WASHC2C: variants seen among roughly 807,000 people sequenced by gnomAD.
The protein encoded by WASHC2C is WASH complex subunit 2C, also known as Vaccinia Penetration Factor.
In WASHC2C, 73 loss-of-function variants were observed where a neutral mutation model predicts 142.2. That is an observed-to-expected ratio of 0.51 (90% CI 0.43 to 0.62). The LOEUF (loss-of-function observed/expected upper bound fraction) is 0.62, where lower values mean the gene tolerates loss of function less well. WASHC2C is among the 20% of genes least tolerant of loss of function. The probability of loss-of-function intolerance (pLI) is 0.00; values close to 1 mark genes in which losing one functional copy is unlikely to be tolerated. For synonymous variants in WASHC2C, 337 were observed against 565.5 expected (o/e 0.60, Z 5.73); for missense variants, 969 against 1,531.7 (o/e 0.63, Z 6.13).
At chr10:45,747,654 G>GA (rs1327055743) in intron 8 of WASHC2C, among the ~76,000 whole-genome samples, 5 of 150,198 alleles carry the variant, frequency 3.3e-5, no homozygotes, top group Non-Finnish European at 7.4e-5. Flanking sequence ...GCAGTGGTGT[G>GA]ATCTCAGCTC....
At chr10:45,771,034 C>G (rs2056531593) in intron 20 of WASHC2C, among the ~76,000 whole-genome samples, 1 of 151,400 alleles carries the variant, frequency 6.6e-6, no homozygotes, top group Non-Finnish European at 1.5e-5. Context: ...TCCTGTGTTG[C>G]CTGGCCACCT....
At chr10:45,760,028 TC>T (rs1180387040) in intron 17 of WASHC2C, among the ~76,000 whole-genome samples, 31 of 149,162 alleles carry the variant, frequency 2.1e-4, no homozygotes, top group African/African-American at 7.7e-4. Flanking sequence ...CCATGCTACT[TC>T]CTTTATTCAC....
At chr10:45,749,421 G>A (rs2053256073) in intron 8 of WASHC2C, among the ~76,000 whole-genome samples, 1 of 150,390 alleles carries the variant, frequency 6.6e-6, no homozygotes, top group Non-Finnish European at 1.5e-5. Context: ...GGCAAAAAGA[G>A]CGAAACTCCT....
At chr10:45,790,881 G>C (rs1343859153) in intron 30 of WASHC2C, among the ~76,000 whole-genome samples, 9 of 152,304 alleles carry the variant, frequency 5.9e-5, no homozygotes, top group Admixed American at 5.9e-4. Context: ...AGGCTGAGGG[G>C]ACTGCCTTGG....
At chr10:45,741,863 G>A (rs1412611079) in intron 5 of WASHC2C, among the ~76,000 whole-genome samples, 5 of 149,934 alleles carry the variant, frequency 3.3e-5, no homozygotes, top group Admixed American at 6.7e-5. Flanking sequence ...GCGCAATCTC[G>A]GCTCACTGCA....
Position 45,786,340 on chromosome 10 carries a change from T to G in WASHC2C, c.2812-272T>G, listed in dbSNP as rs527777739. The G allele has an allele frequency of 8.9e-5, 51 of 569,836 alleles. No individual in the cohort carries two copies. The Admixed American group carries it at 1.5e-3, about 17-fold the overall frequency. 35.3% of individuals were successfully genotyped at this position (569,836 alleles called of 1,614,324 possible). On this transcript the variant is annotated intron_variant, in intron 26 of 30. Transcript: ENST00000623400. ...GCCTGCTGGTCAGTTTTAGGTGCTC[T>G]GATAAACTGTGACTCTTGGGAATCT...
intron 20 of WASHC2C, chr10:45,771,436 G>A (rs1398277804): frequency 3.0e-6 from 3 of 984,426 alleles, no homozygotes; most frequent in Non-Finnish European, 3.6e-6. Flanking sequence ...AGGGAGTAGA[G>A]GGCAGACATG....
At chr10:45,735,499 A>C (rs2051108720) in intron 3 of WASHC2C, among the ~76,000 whole-genome samples, 1 of 152,030 alleles carries the variant, frequency 6.6e-6, no homozygotes, top group African/African-American at 2.4e-5. Flanking sequence ...TGCTGGGATT[A>C]CAGGTATGAG....
At position 45,789,443 on chromosome 10, in the gene WASHC2C, A is replaced by G. The variant is rs1166194597; in HGVS notation, c.3660A>G (p.Lys1220=). 6.2e-6 allele frequency: 10 copies of G among 1,611,960 alleles called. No homozygotes were observed. Among genetic ancestry groups the G allele is most frequent in the Middle Eastern group, 2.2e-4 (1 of 4,452 alleles). ...TDQKVKKNET[K]SSSQQDVILT... is the part of the protein sequence containing the mutation. Reference sequence around the variant, plus strand: ...AGAAAGTCAAGAAGAATGAGACAAAATCCAGTAGTCAGCAGGATGTCATAT... The same window carrying G: ...AGAAAGTCAAGAAGAATGAGACAAAGTCCAGTAGTCAGCAGGATGTCATAT... The change falls in exon 29 of 31, where the codon AAA becomes AAG. Residue 1220 remains lysine (K), a synonymous_variant. Transcript: ENST00000623400.
chr10:45,788,873 C>G lies in WASHC2C; in HGVS notation c.3090C>G (p.Ser1030Arg). Reference sequence around the variant, plus strand: ...TGTATGTTTTTTTGCCGTTGCAGAGCCGTGTCAAGATGAGAGGGAAGCGTA... The same window carrying G: ...TGTATGTTTTTTTGCCGTTGCAGAGGCGTGTCAAGATGAGAGGGAAGCGTA... Reference protein sequence around the residue: ...QADTLHSANKSRVKMRGKRRP... With the variant: ...QADTLHSANKRRVKMRGKRRP... The change falls in exon 29 of 31, where the codon AGC becomes AGG. Residue 1030 changes from serine (S) to arginine (R), a missense_variant and splice_region_variant. Transcript: ENST00000623400. 2 of 1,612,054 alleles carry G rather than the reference C, an allele frequency of 1.2e-6. No individual in the cohort carries two copies. The highest frequency in any genetic ancestry group is 1.7e-6 in the Non-Finnish European group (2 of 1,179,870).
At position 45,789,238 on chromosome 10, in the gene WASHC2C, C is replaced by T; in HGVS notation, c.3455C>T (p.Ala1152Val). The T allele has an allele frequency of 1.2e-6, 2 of 1,612,024 alleles. No homozygotes were observed. The highest frequency in any genetic ancestry group is 1.7e-6 in the Non-Finnish European group (2 of 1,179,864). Reference sequence around the variant, plus strand: ...TCCGTGGAGAGAACAAAACCCAAGGCAAAGATAGCAGAGAATCCTGCCAAC... The same window carrying T: ...TCCGTGGAGAGAACAAAACCCAAGGTAAAGATAGCAGAGAATCCTGCCAAC... ...SQSVERTKPKAKIAENPANPP... is the reference protein window; with the variant it reads ...SQSVERTKPKVKIAENPANPP... Residue 1152 changes from alanine (A) to valine (V), a missense_variant, in exon 29 of 31, where the codon GCA (alanine) becomes GTA (valine). Coordinates refer to ENST00000623400, the MANE Select transcript of WASHC2C (RefSeq NM_001330074.2).
intron 9 of WASHC2C, 30 bp from the exon 10 acceptor site, chr10:45,750,721 A>G: frequency 6.5e-7 from 1 of 1,544,912 alleles, no homozygotes; most frequent in Non-Finnish European, 8.7e-7. Context: ...TGTTACAAAA[A>G]AGCGATTCTT....
At chr10:45,753,749 A>G (rs2053887327) in intron 13 of WASHC2C, among the ~76,000 whole-genome samples, 2 of 147,606 alleles carry the variant, frequency 1.4e-5, no homozygotes, top group African/African-American at 2.5e-5. Context: ...AGACCTGGCA[A>G]AATGCTAGGA....
At chr10:45,779,350 C>A (rs1367488193) in intron 23 of WASHC2C, among the ~76,000 whole-genome samples, 1 of 146,714 alleles carries the variant, frequency 6.8e-6, no homozygotes, top group African/African-American at 2.4e-5. Context: ...TTTCACCCCC[C>A]TCTTCTGGGA....
At chr10:45,741,176 A>G (rs28710889) in intron 5 of WASHC2C, among the ~76,000 whole-genome samples, 5 of 152,096 alleles carry the variant, frequency 3.3e-5, no homozygotes, top group Middle Eastern at 3.4e-3. Context: ...TCGAACTCCC[A>G]ACCTCAGGTG....
intron 3 of WASHC2C, among the ~76,000 whole-genome samples, chr10:45,731,330 C>G (rs1443433409): frequency 7.7e-6 from 1 of 130,456 alleles, no homozygotes; most frequent in Non-Finnish European, 1.6e-5. Context: ...AAGCAATTCT[C>G]CTGCCCACAC....
chr10:45,788,413 C>A (rs1244005556), intron 28 of WASHC2C, among the ~76,000 whole-genome samples: 2 of 152,162 alleles, frequency 1.3e-5, no homozygotes, highest in Non-Finnish European at 2.9e-5. Context: ...ATGTTTCTCC[C>A]CGCTCCTGGA....
intron 23 of WASHC2C, among the ~76,000 whole-genome samples, chr10:45,783,015 G>A (rs2057641976): frequency 1.3e-5 from 2 of 152,026 alleles, no homozygotes; most frequent in African/African-American, 4.8e-5. Context: ...TTAGATTGTG[G>A]TAGTGGATAC....
At chr10:45,760,082 G>A (rs1164995010) in intron 17 of WASHC2C, among the ~76,000 whole-genome samples, 2 of 146,872 alleles carry the variant, frequency 1.4e-5, no homozygotes, top group Non-Finnish European at 3.0e-5. Flanking sequence ...TAGCAGATGG[G>A]TTCTGGCATA....
Sources: allele counts gnomAD v4.1 joint callset (sites outside exome capture counted in the v4.1 genomes callset), GRCh38; gene constraint gnomAD v4.1.1; transcripts MANE v1.5; gene names NCBI Gene and HGNC (gene_info 2026-07-23, HGNC 2026-07-21).